The following DNAH9 variants were observed in gnomAD, a reference collection of about 807,000 sequenced individuals.
DNAH9 encodes DNAH9 variant protein.
In DNAH9, 345 loss-of-function variants were observed where a neutral mutation model predicts 471.6. The ratio of observed to expected loss-of-function variants is 0.73; its 90% CI spans 0.67 to 0.80. The LOEUF (loss-of-function observed/expected upper bound fraction) is 0.80, where lower values mean the gene tolerates loss of function less well. Among genes scored for constraint, DNAH9 ranks in the 30% least tolerant of loss-of-function variants. The pLI is 0.00. For missense variants in DNAH9, 5,407 were observed against 5,609.2 expected, an observed-to-expected ratio of 0.96 and a Z score of 1.15; for synonymous variants, 2,093 against 2,123.6, an observed-to-expected ratio of 0.99 and a Z score of 0.40.
In DNAH9 at chr17:11,664,865, C is replaced by G. The variant is rs1246598949; in HGVS notation, c.2628C>G (p.Thr876=). Residue 876 remains threonine, a synonymous_variant, in exon 15 of 69, where the codon ACC becomes ACG. Transcript: ENST00000262442. The part of the protein sequence containing the change: ...ENLGLFSADP[T]SNIWKTYVNS... The stretch of plus-strand genomic sequence containing the variant: ...TGGGTCTATTTTCAGCAGACCCAAC[C>G]TCCAATATCTGGAAGACTTATGTTA... The G allele has an allele frequency of 6.2e-7, 1 of 1,613,156 alleles. No individual in the cohort carries two copies. The highest frequency in any genetic ancestry group is 1.3e-5 in the African/African-American group (1 of 75,064).
intron 53 of DNAH9, among the ~76,000 whole-genome samples, chr17:11,877,473 TAAAA>T (rs550300868): frequency 4.4e-4 from 30 of 68,630 alleles, no homozygotes; most frequent in Middle Eastern, 8.1e-3. Context: ...AAACTCTGTC[TAAAA>T]AAAAAAAAAA....
Position 11,902,803 on chromosome 17 carries a change from G to A in DNAH9, c.11491G>A (p.Glu3831Lys), listed in dbSNP as rs377209537. The change falls in exon 60 of 69, where the codon GAA (glutamate) becomes AAA (lysine). Residue 3831 changes from glutamate to lysine, a missense_variant. Physicochemically the swap from Glu to Lys is moderately conservative, Grantham distance 56. This residue lies in a region of DNAH9 where 4,636 missense variants were observed against 4,900.3 expected (regional missense o/e 0.95). Coordinates refer to ENST00000262442, the MANE Select transcript of DNAH9 (RefSeq NM_001372.4). ...GAGCTGGAAAAAGTTTGTGGAGTCC[G>A]AATGTCCTGAGAAAGAGAAGCTCCC... ...AKSWKKFVES[E>K]CPEKEKLPQE... The A allele has an allele frequency of 1.5e-5, 25 of 1,613,944 alleles. No individual in the cohort carries two copies. Among genetic ancestry groups the A allele is most frequent in the Middle Eastern group, 1.6e-4 (1 of 6,078 alleles).
At chr17:11,630,580 G>A (rs1483157523) in intron 7 of DNAH9, 5 of 152,208 alleles carry the variant, frequency 3.3e-5, no homozygotes, top group Admixed American at 3.3e-4. Context: ...AGAGCATTAG[G>A]ACAAATACCT....
intron 14 of DNAH9, among the ~76,000 whole-genome samples, chr17:11,658,153 C>T (rs925906981): frequency 1.3e-5 from 2 of 152,058 alleles, no homozygotes; most frequent in African/African-American, 4.8e-5. Flanking sequence ...AGTTTATGAA[C>T]CCGGCATATC....
chr17:11,646,915 AAAAG>A (rs368482908), intron 11 of DNAH9, among the ~76,000 whole-genome samples, 153 bp from the exon 12 acceptor site: 251 of 150,974 alleles, frequency 1.7e-3, no homozygotes, highest in Middle Eastern at 3.4e-3. Flanking sequence ...CTCTGTCTCA[AAAAG>A]AAAGAAAGAA....
In DNAH9 at chr17:11,942,484, A is replaced by C; in HGVS notation, c.12842A>C (p.Lys4281Thr). 6.2e-7 allele frequency: 1 copy of C among 1,613,422 alleles called. No homozygotes were observed. The highest frequency in any genetic ancestry group is 8.5e-7 in the Non-Finnish European group (1 of 1,179,712). ...CTGAGGGAGCTGGAGCTCGGCTTAA[A>C]GGTGAGCGCGGTCTTGTAAGGCATG... ...RSLRELELGL[K>T]GELTMTSHME... The change falls in exon 67 of 69, where the codon AAG (lysine) becomes ACG (threonine). Residue 4281 changes from lysine (K) to threonine (T), a missense_variant and splice_region_variant. This residue lies in a region of DNAH9 where 4,636 missense variants were observed against 4,900.3 expected (regional missense o/e 0.95). Coordinates refer to ENST00000262442, the MANE Select transcript of DNAH9 (RefSeq NM_001372.4).
intron 14 of DNAH9, among the ~76,000 whole-genome samples, chr17:11,660,919 T>C (rs1204370188): frequency 6.6e-6 from 1 of 152,166 alleles, no homozygotes; most frequent in East Asian, 1.9e-4. Flanking sequence ...GATAGCATTG[T>C]TGTGATCTTT....
intron 14 of DNAH9, among the ~76,000 whole-genome samples, chr17:11,656,526 A>T (rs1052861826): frequency 3.3e-5 from 5 of 152,154 alleles, no homozygotes; most frequent in Non-Finnish European, 7.4e-5. Context: ...AATTGTGTGG[A>T]TGCACCAGGA....
At chr17:11,862,203 G>A (rs1380604541) in intron 50 of DNAH9, among the ~76,000 whole-genome samples, 1 of 130,872 alleles carries the variant, frequency 7.6e-6, no homozygotes, top group African/African-American at 2.8e-5. Flanking sequence ...TGTATAAGGT[G>A]TAAGGAAGGG....
intron 52 of DNAH9, among the ~76,000 whole-genome samples, chr17:11,874,042 C>T (rs1359782218): frequency 6.6e-6 from 1 of 151,872 alleles, no homozygotes; most frequent in Admixed American, 6.6e-5. Context: ...GTCAGGAGTT[C>T]GAGACCAGCC....
chr17:11,746,592 A>G (rs1489111688), intron 31 of DNAH9, among the ~76,000 whole-genome samples: 1 of 152,198 alleles, frequency 6.6e-6, no homozygotes, highest in Non-Finnish European at 1.5e-5. Flanking sequence ...CCATGATCCA[A>G]CCACCTCCCA....
chr17:11,826,462 T>G lies in DNAH9; in HGVS notation c.9246+3428T>G, dbSNP rs1970497388. On this transcript the variant is annotated intron_variant, in intron 48 of 68. Transcript: ENST00000262442. Reference sequence around the variant, plus strand: ...TTCTTTTTCTTTTTCTTGGTTTTTTTTTTTTTTTTTTTTTTTGAGGCGGAG... The same window carrying G: ...TTCTTTTTCTTTTTCTTGGTTTTTTGTTTTTTTTTTTTTTTTGAGGCGGAG... Among the ~76,000 whole-genome samples, 13 of 132,340 alleles carry G rather than the reference T, an allele frequency of 9.8e-5. No homozygotes were observed. The South Asian group carries it at 3.4e-3, about 34-fold the overall frequency. The allele number at this position is 132,340 out of a possible 152,430, so 86.8% of individuals were successfully genotyped here.
At chr17:11,868,953 G>A (rs140925585) in intron 50 of DNAH9, among the ~76,000 whole-genome samples, 181 bp from the exon 51 acceptor site, 14 of 152,182 alleles carry the variant, frequency 9.2e-5, no homozygotes, top group East Asian at 5.8e-4. Flanking sequence ...GCTAGGACCC[G>A]CCTGAGATCT....
Position 11,892,829 on chromosome 17 carries a change from C to T in DNAH9, c.11283+882C>T, listed in dbSNP as rs1442306687. The stretch of plus-strand genomic sequence containing the variant: ...TCGGCCTACCAAAGTGCTGGGATTA[C>T]AGGCATGAGCCATTGCATCTGGCCT... On this transcript the variant is annotated intron_variant, in intron 58 of 68. Coordinates refer to ENST00000262442, the MANE Select transcript of DNAH9 (RefSeq NM_001372.4). The surrounding 1 kb of genome is among the most constrained non-coding windows in gnomAD (Gnocchi z 4.3). 6.6e-6 allele frequency among the ~76,000 whole-genome samples: 1 copy of T among 152,142 alleles called. No homozygotes were observed. The highest frequency in any genetic ancestry group is 1.5e-5 in the Non-Finnish European group (1 of 68,032).
intron 50 of DNAH9, among the ~76,000 whole-genome samples, chr17:11,865,120 A>G (rs1292402728): frequency 1.3e-5 from 2 of 152,094 alleles, no homozygotes; most frequent in African/African-American, 4.8e-5. Context: ...CCTAGTCTCA[A>G]TGGTCTTTAT....
intron 61 of DNAH9, among the ~76,000 whole-genome samples, chr17:11,919,191 T>G (rs1597825964): frequency 6.6e-6 from 1 of 151,352 alleles, no homozygotes; most frequent in East Asian, 2.0e-4. Flanking sequence ...AGCAAACTGC[T>G]GAGCATAAGA....
intron 35 of DNAH9, among the ~76,000 whole-genome samples, chr17:11,761,367 T>C (rs1967657114): frequency 6.6e-6 from 1 of 152,326 alleles, no homozygotes; most frequent in South Asian, 2.1e-4. Context: ...TTCTGACCCA[T>C]CGCTGTAAAA....
intron 35 of DNAH9, among the ~76,000 whole-genome samples, chr17:11,758,712 C>T (rs1967514579): frequency 6.6e-6 from 1 of 152,096 alleles, no homozygotes; most frequent in Non-Finnish European, 1.5e-5. Flanking sequence ...ATATGCCCCG[C>T]CCCACACCCT....
chr17:11,866,089 T>C (rs1597756087), intron 50 of DNAH9, among the ~76,000 whole-genome samples: 1 of 152,122 alleles, frequency 6.6e-6, no homozygotes, highest in Non-Finnish European at 1.5e-5. Flanking sequence ...GGAGGAGAGG[T>C]GCTCTGCTTT....
Sources: allele counts gnomAD v4.1 joint callset (sites outside exome capture counted in the v4.1 genomes callset), GRCh38; gene constraint gnomAD v4.1.1; regional missense constraint gnomAD v4.1.1; non-coding constraint Gnocchi (gnomAD v3.1); transcripts MANE v1.5; gene names NCBI Gene and HGNC (gene_info 2026-07-23, HGNC 2026-07-21).